Variants in DNAJC1 observed in about 807,000 individuals in gnomAD.
The protein encoded by DNAJC1 is dnaJ homolog subfamily C member 1.
In DNAJC1, 58 loss-of-function variants were observed where a neutral mutation model predicts 76.6. The observed-to-expected ratio is 0.76, with a 90% CI of 0.61 to 0.94. The LOEUF is 0.94. Among genes scored for constraint, DNAJC1 ranks in the 40% least tolerant of loss-of-function variants. The pLI is 0.00. For synonymous variants in DNAJC1, 258 were observed against 267.9 expected (o/e 0.96, Z 0.36); for missense variants, 689 against 677.3 (o/e 1.02, Z -0.19).
At chr10:21,792,067 A>C (rs1003875089) in intron 9 of DNAJC1, among the ~76,000 whole-genome samples, 2 of 152,356 alleles carry the variant, frequency 1.3e-5, no homozygotes, top group African/African-American at 4.8e-5. Flanking sequence ...TTTGGAGAGA[A>C]TATCAGCCAC....
intron 9 of DNAJC1, among the ~76,000 whole-genome samples, chr10:21,794,811 T>C (rs775497055): frequency 6.6e-6 from 1 of 152,068 alleles, no homozygotes; most frequent in Non-Finnish European, 1.5e-5. Context: ...TATTTGCAAA[T>C]CATATATTTG....
chr10:21,863,316 A>T (rs1835947101), intron 8 of DNAJC1, among the ~76,000 whole-genome samples: 1 of 152,142 alleles, frequency 6.6e-6, no homozygotes, highest in South Asian at 2.1e-4. Flanking sequence ...ATAAGAGAGG[A>T]GACATCAATA....
intron 1 of DNAJC1, among the ~76,000 whole-genome samples, chr10:21,978,228 A>G (rs1838096573): frequency 6.6e-6 from 1 of 152,204 alleles, no homozygotes; most frequent in Non-Finnish European, 1.5e-5. Flanking sequence ...CCAGTCACCC[A>G]GAAGCACATC....
chr10:21,945,169 T>A (rs1837484412), intron 1 of DNAJC1, among the ~76,000 whole-genome samples: 1 of 152,218 alleles, frequency 6.6e-6, no homozygotes, highest in African/African-American at 2.4e-5. Context: ...CTTTGAAGAA[T>A]GTCAGCATTG....
intron 8 of DNAJC1, among the ~76,000 whole-genome samples, chr10:21,809,650 G>T (rs1403159230): frequency 6.6e-6 from 1 of 151,784 alleles, no homozygotes; most frequent in Non-Finnish European, 1.5e-5. Flanking sequence ...GATGGGATGA[G>T]ATTGGATGTC....
At chr10:21,793,188 C>G (rs973339003) in intron 9 of DNAJC1, among the ~76,000 whole-genome samples, 1 of 152,034 alleles carries the variant, frequency 6.6e-6, no homozygotes, top group Non-Finnish European at 1.5e-5. Context: ...TGCCTGTAAT[C>G]CCAGCTACTT....
intron 8 of DNAJC1, among the ~76,000 whole-genome samples, chr10:21,881,254 T>A (rs1461180854): frequency 6.6e-6 from 1 of 152,230 alleles, no homozygotes; most frequent in African/African-American, 2.4e-5. Flanking sequence ...ATATCAGCAA[T>A]AAGGTTGTTT....
chr10:21,797,905 A>G (rs1222177022), intron 9 of DNAJC1, among the ~76,000 whole-genome samples: 5 of 152,214 alleles, frequency 3.3e-5, no homozygotes. Context: ...CCAGCACAGA[A>G]CAAACTCAGA....
intron 9 of DNAJC1, among the ~76,000 whole-genome samples, chr10:21,770,369 T>C (rs961535301): frequency 2.6e-5 from 4 of 152,036 alleles, no homozygotes; most frequent in South Asian, 4.1e-4. Flanking sequence ...CTTTTTATTA[T>C]TGAGTTGTAA....
chr10:21,850,358 T>C lies in DNAJC1; in HGVS notation c.978+31924A>G, dbSNP rs184486141. ...CAAGAAAACTAAGAAAACAATTCCA[T>C]TTACAACAGCATGAAACAGAATAAA... On this transcript the variant is annotated intron_variant, in intron 8 of 11. Transcript: ENST00000376980. 1.4e-4 allele frequency among the ~76,000 whole-genome samples: 22 copies of C among 152,064 alleles called. No homozygotes were observed. The East Asian group carries it at 3.1e-3, about 21-fold the overall frequency.
chr10:21,840,229 A>G (rs1835551122), intron 8 of DNAJC1, among the ~76,000 whole-genome samples: 1 of 152,224 alleles, frequency 6.6e-6, no homozygotes, highest in Non-Finnish European at 1.5e-5. Flanking sequence ...CCTAGTCAAC[A>G]TAGTGCTGGA....
At chr10:21,763,822 T>A in intron 10 of DNAJC1, among the ~76,000 whole-genome samples, 1 of 152,148 alleles carries the variant, frequency 6.6e-6, no homozygotes, top group East Asian at 1.9e-4. Flanking sequence ...TGAAAGAACA[T>A]GGGATGATGC....
chr10:21,837,201 G>T (rs1455757491), intron 8 of DNAJC1, among the ~76,000 whole-genome samples: 1 of 152,198 alleles, frequency 6.6e-6, no homozygotes. Flanking sequence ...ACGGAGTCTC[G>T]TTCACTCAGT....
intron 8 of DNAJC1, among the ~76,000 whole-genome samples, chr10:21,842,831 T>C (rs1053169702): frequency 3.9e-5 from 6 of 152,224 alleles, no homozygotes; most frequent in Non-Finnish European, 8.8e-5. Context: ...ATAAGGGATA[T>C]ACATAATCTC....
chr10:21,790,385 C>T (rs950773720), intron 9 of DNAJC1, among the ~76,000 whole-genome samples: 1 of 151,544 alleles, frequency 6.6e-6, no homozygotes, highest in African/African-American at 2.4e-5. Flanking sequence ...AAGGCAAAGA[C>T]GAAGAGAAAA....
At chr10:21,858,584 A>G (rs529190656) in intron 8 of DNAJC1, among the ~76,000 whole-genome samples, 8 of 152,350 alleles carry the variant, frequency 5.3e-5, no homozygotes, top group Admixed American at 5.2e-4. Context: ...TTCCAACCCA[A>G]TACTAACCAG....
At chr10:21,762,591 C>T (rs1834254626) in intron 10 of DNAJC1, among the ~76,000 whole-genome samples, 1 of 152,198 alleles carries the variant, frequency 6.6e-6, no homozygotes, top group Non-Finnish European at 1.5e-5. Flanking sequence ...ATCATTTGTT[C>T]TTGCAAACTA....
chr10:21,932,270 G>A (rs1837241157), intron 1 of DNAJC1, among the ~76,000 whole-genome samples: 1 of 152,136 alleles, frequency 6.6e-6, no homozygotes, highest in Non-Finnish European at 1.5e-5. Context: ...AGCCCAGGAG[G>A]TTGAGGCTGC....
chr10:21,999,249 G>A (rs566585514), intron 1 of DNAJC1, among the ~76,000 whole-genome samples: 2 of 152,254 alleles, frequency 1.3e-5, no homozygotes, highest in African/African-American at 4.8e-5. Context: ...GGTAGCCTGT[G>A]ACCGCCATAC....
Sources: gnomAD v4.1 joint callset for allele counts (sites outside exome capture counted in the v4.1 genomes callset) on GRCh38, gnomAD v4.1.1 for gene constraint, MANE v1.5 for transcripts, NCBI Gene and HGNC (gene_info 2026-07-23, HGNC 2026-07-21) for gene names.